Variants in DNM1L observed in about 807,000 individuals in gnomAD.
The protein encoded by DNM1L is dynamin 1L.
A neutral mutation model predicts 92.8 loss-of-function variants in DNM1L; 33 were observed. The observed-to-expected ratio is 0.36, with a 90% CI of 0.27 to 0.48. The LOEUF (loss-of-function observed/expected upper bound fraction) is 0.48, where lower values mean the gene tolerates loss of function less well. Ranked by LOEUF, DNM1L falls within the 20% of genes least tolerant of loss-of-function variation. The pLI, the probability that DNM1L is intolerant of heterozygous loss-of-function variation, is 0.99. For synonymous variants in DNM1L, 284 were observed against 305.0 expected, an observed-to-expected ratio of 0.93 and a Z score of 0.72; for missense variants, 485 against 888.8, an observed-to-expected ratio of 0.55 and a Z score of 5.78.
intron 7 of DNM1L, among the ~76,000 whole-genome samples, chr12:32,719,271 A>G (rs1395284921): frequency 6.6e-6 from 1 of 152,202 alleles, no homozygotes; most frequent in Non-Finnish European, 1.5e-5. Flanking sequence ...TTACTGGAAA[A>G]TGTTTCTAAA....
At chr12:32,696,388 A>ACACACT (rs1952457772) in intron 1 of DNM1L, among the ~76,000 whole-genome samples, 7 of 103,954 alleles carry the variant, frequency 6.7e-5, no homozygotes. Flanking sequence ...ACACAAACAC[A>ACACACT]CACACACACA....
At chr12:32,708,091 C>A in intron 3 of DNM1L, 62 bp from the exon 4 acceptor site, 1 of 976,548 alleles carries the variant, frequency 1.0e-6, no homozygotes. Flanking sequence ...GACTCCCCCT[C>A]CAGCTTAAGA....
chr12:32,730,751 T>C (rs1338024943), intron 9 of DNM1L, among the ~76,000 whole-genome samples: 1 of 152,238 alleles, frequency 6.6e-6, no homozygotes, highest in Admixed American at 6.5e-5. Flanking sequence ...TTAGCAATTC[T>C]TAGTTAACTG....
chr12:32,716,247 G>C (rs796755489), intron 6 of DNM1L, among the ~76,000 whole-genome samples: 4 of 151,912 alleles, frequency 2.6e-5, no homozygotes, highest in African/African-American at 9.7e-5. Flanking sequence ...TTTGGTGGGG[G>C]GGGGTGGCAA....
At position 32,715,333 on chromosome 12, in the gene DNM1L, T is replaced by C. The variant is rs117644943; in HGVS notation, c.619+1962T>C. Among the ~76,000 whole-genome samples the C allele has an allele frequency of 2.0e-3, 297 of 152,136 alleles. 4 individuals are homozygous for C. The East Asian group carries it at 0.043, about 22-fold the overall frequency. On this transcript the variant is annotated intron_variant, in intron 6 of 19. Coordinates refer to ENST00000549701, the MANE Select transcript of DNM1L (RefSeq NM_012062.5). ...CAGTATTATTTATAGTATAAAAAAT[T>C]AGAAACAACTTAATATGGCCAGCAG...
At chr12:32,687,161 T>C (rs78571415) in intron 1 of DNM1L, among the ~76,000 whole-genome samples, 3,749 of 147,486 alleles carry the variant, frequency 0.025, 176 homozygotes, top group African/African-American at 0.091. Context: ...TCTTTTTTTT[T>C]CCTTTTATTG....
At chr12:32,691,315 T>C (rs1361403820) in intron 1 of DNM1L, among the ~76,000 whole-genome samples, 1 of 152,164 alleles carries the variant, frequency 6.6e-6, no homozygotes, top group East Asian at 1.9e-4. Flanking sequence ...CTCGGCTCAC[T>C]GTAACCTCTG....
chr12:32,731,789 G>C lies in DNM1L; in HGVS notation c.1357-65G>C, dbSNP rs1954568777. On this transcript the variant is annotated intron_variant, in intron 11 of 19. Coordinates refer to ENST00000549701, the MANE Select transcript of DNM1L (RefSeq NM_012062.5). This position sits in a 1 kb window ranked among gnomAD's most constrained non-coding sequence, Gnocchi z 5.1. ...GAGGCTAAGGTGGGAGGATGGCTTA[G>C]TGAGACTATGACTTAAAAAAAAAAC... The C allele has an allele frequency of 7.3e-7, 1 of 1,371,566 alleles. No individual in the cohort carries two copies. The highest frequency in any genetic ancestry group is 1.0e-6 in the Non-Finnish European group (1 of 965,452). 85.0% of individuals were successfully genotyped at this position (1,371,566 alleles called of 1,614,324 possible). A position where few individuals can be genotyped will look rare whatever the true frequency, so the allele number is the denominator to read the frequency against.
intron 1 of DNM1L, among the ~76,000 whole-genome samples, chr12:32,684,970 C>G (rs1306303367): frequency 1.4e-5 from 2 of 146,900 alleles, no homozygotes; most frequent in African/African-American, 2.5e-5. Context: ...GATGGAGTCT[C>G]GCTCTGTCAC....
chr12:32,679,379 C>G lies in DNM1L; in HGVS notation c.16C>G (p.Pro6Ala). The change falls in exon 1 of 20, where the codon CCT becomes GCT. Residue 6 changes from proline (P) to alanine (A), a missense_variant. By Grantham distance (27) the Pro-to-Ala change is conservative (BLOSUM62 -1). This residue lies in a region of DNM1L where 19 missense variants were observed against 16.1 expected (regional missense o/e 1.18). Coordinates refer to ENST00000549701, the MANE Select transcript of DNM1L (RefSeq NM_012062.5). ...TTTCAGAGTCATGGAGGCGCTAATTCCTGTCATAAACAAGCTCCAGGACGT... is the reference window on the plus strand; with the variant it reads ...TTTCAGAGTCATGGAGGCGCTAATTGCTGTCATAAACAAGCTCCAGGACGT... Reference protein sequence around the residue: MEALIPVINKLQDVFN... With the variant: MEALIAVINKLQDVFN... 1 of 1,613,664 alleles carries G rather than the reference C, an allele frequency of 6.2e-7. No individual in the cohort carries two copies. The highest frequency in any genetic ancestry group is 8.5e-7 in the Non-Finnish European group (1 of 1,179,764).
At chr12:32,719,033 C>T (rs913253662) in intron 7 of DNM1L, among the ~76,000 whole-genome samples, 3 of 151,536 alleles carry the variant, frequency 2.0e-5, no homozygotes, top group African/African-American at 7.3e-5. Context: ...CTCATTGTAG[C>T]ATCAACCTCT....
chr12:32,704,592 A>G (rs1418195102), intron 2 of DNM1L, among the ~76,000 whole-genome samples: 1 of 152,106 alleles, frequency 6.6e-6, no homozygotes, highest in African/African-American at 2.4e-5. Flanking sequence ...TCGTAGAATA[A>G]TGCTTAAAAT....
intron 9 of DNM1L, among the ~76,000 whole-genome samples, chr12:32,725,060 C>T (rs760326118): frequency 2.0e-5 from 3 of 150,732 alleles, no homozygotes; most frequent in Non-Finnish European, 4.4e-5. Context: ...TTTAAAGCAT[C>T]GTATCACTGA....
intron 15 of DNM1L, 75 bp downstream of exon 15, chr12:32,738,017 T>G: frequency 2.7e-6 from 4 of 1,469,958 alleles, no homozygotes; most frequent in Non-Finnish European, 3.8e-6. Flanking sequence ...AACAATACAC[T>G]GAATAGAAGA....
chr12:32,706,440 A>C (rs1349905462), intron 2 of DNM1L, among the ~76,000 whole-genome samples: 1 of 152,190 alleles, frequency 6.6e-6, no homozygotes, highest in African/African-American at 2.4e-5. Flanking sequence ...TGTTTGGAGG[A>C]GATAAAGTTA....
chr12:32,709,286 C>G (rs774947741), intron 4 of DNM1L, among the ~76,000 whole-genome samples: 2 of 152,122 alleles, frequency 1.3e-5, no homozygotes, highest in Non-Finnish European at 2.9e-5. Flanking sequence ...CTAATTATAT[C>G]AGGGATATTT....
At chr12:32,680,191 G>A (rs372603009) in intron 1 of DNM1L, among the ~76,000 whole-genome samples, 28 of 152,100 alleles carry the variant, frequency 1.8e-4, no homozygotes, top group African/African-American at 6.8e-4. Flanking sequence ...CAGTTTCTCT[G>A]GTCTTCTCAT....
intron 2 of DNM1L, chr12:32,706,572 A>AG: frequency 2.6e-6 from 1 of 378,704 alleles, no homozygotes; most frequent in Non-Finnish European, 5.2e-6. Flanking sequence ...TCTTTCAGCA[A>AG]GTACAAGAGG....
At chr12:32,737,697 GA>G (rs2137567489) in intron 14 of DNM1L, 167 bp from the exon 15 acceptor site, 1 of 623,634 alleles carries the variant, frequency 1.6e-6, no homozygotes, top group East Asian at 2.9e-5. Flanking sequence ...TAACAAAGGT[GA>G]CAATGGTGAA....
Sources: gnomAD v4.1 joint callset for allele counts (sites outside exome capture counted in the v4.1 genomes callset) on GRCh38, gnomAD v4.1.1 for gene constraint, gnomAD v4.1.1 regional missense constraint, Gnocchi (gnomAD v3.1) non-coding constraint, MANE v1.5 for transcripts, NCBI Gene and HGNC (gene_info 2026-07-23, HGNC 2026-07-21) for gene names.